Variants in NCMAP observed in about 807,000 individuals in gnomAD.
NCMAP encodes non-compact myelin associated protein.
In NCMAP, 8 loss-of-function variants were observed where a neutral mutation model predicts 7.8. The ratio of observed to expected loss-of-function variants is 1.02; its 90% CI spans 0.60 to 1.84. NCMAP has a LOEUF of 1.84. Among genes scored for constraint, NCMAP ranks in the 40% most tolerant of loss-of-function variants. NCMAP has a pLI of 0.00. For missense variants in NCMAP, 112 were observed against 131.4 expected (o/e 0.85, Z 0.72); for synonymous variants, 41 against 52.9 (o/e 0.78, Z 0.98).
intron 2 of NCMAP, among the ~76,000 whole-genome samples, chr1:24,597,632 A>G (rs1275677762): frequency 4.7e-4 from 57 of 122,254 alleles, no homozygotes; most frequent in African/African-American, 1.3e-3. Flanking sequence ...AGAAAGAAAG[A>G]AAGAAAGAAA....
chr1:24,605,740 C>A lies in NCMAP; in HGVS notation c.302C>A (p.Thr101Lys). The change falls in exon 4 of 4, where the codon ACG becomes AAG. Residue 101 changes from threonine (T) to lysine (K), a missense_variant. Physicochemically the swap from Thr to Lys is moderately conservative, Grantham distance 78. Transcript: ENST00000374392. ...AGTCCTGTTGACGTCCAGGTGGAGA[C>A]GCGATGACCTCTACCCTGGCGCTAT... ...TFSPVDVQVETR is the reference protein window; with the variant it reads ...TFSPVDVQVEKR The A allele has an allele frequency of 1.2e-6, 2 of 1,614,146 alleles. No homozygotes were observed. The highest frequency in any genetic ancestry group is 1.7e-6 in the Non-Finnish European group (2 of 1,180,038).
intron 2 of NCMAP, among the ~76,000 whole-genome samples, chr1:24,595,755 G>T (rs896411928): frequency 2.0e-5 from 3 of 151,738 alleles, no homozygotes; most frequent in Non-Finnish European, 4.4e-5. Flanking sequence ...GTCTGAGTGG[G>T]AGTCTTCCAG....
chr1:24,586,402 G>A (rs925437148), intron 1 of NCMAP, among the ~76,000 whole-genome samples: 3 of 152,242 alleles, frequency 2.0e-5, no homozygotes, highest in Non-Finnish European at 4.4e-5. Context: ...CGAATGGACA[G>A]CAGACCATCA....
In NCMAP at chr1:24,586,747, G is replaced by A. The variant is rs139337323; in HGVS notation, c.-7-8677G>A. Among the ~76,000 whole-genome samples, 476 of 137,652 alleles carry A rather than the reference G, an allele frequency of 3.5e-3. 2 individuals are homozygous for A. Among genetic ancestry groups the A allele is most frequent in the African/African-American group, 0.013 (450 of 35,906 alleles). 90.3% of individuals were successfully genotyped at this position (137,652 alleles called of 152,430 possible). ...ACTGTACTCCAGCCTGGGTAACAGT[G>A]AGACTCCATCTCAAAAAAAAAAAAA... On this transcript the variant is annotated intron_variant, in intron 1 of 3. Transcript: ENST00000374392.
intron 1 of NCMAP, among the ~76,000 whole-genome samples, chr1:24,561,672 A>G (rs1227965099): frequency 3.3e-5 from 5 of 152,204 alleles, no homozygotes; most frequent in Non-Finnish European, 5.9e-5. Flanking sequence ...GCACTTTGGG[A>G]GACTGAGGCG....
At chr1:24,556,842 G>T (rs954291360) in intron 1 of NCMAP, among the ~76,000 whole-genome samples, 3 of 152,122 alleles carry the variant, frequency 2.0e-5, no homozygotes, top group African/African-American at 4.8e-5. Context: ...ATTCTGGAAG[G>T]CCCCTTGGAG....
chr1:24,570,276 C>G (rs1370912859), intron 1 of NCMAP, among the ~76,000 whole-genome samples: 1 of 150,566 alleles, frequency 6.6e-6, no homozygotes, highest in African/African-American at 2.5e-5. Flanking sequence ...ATGCTTTTTG[C>G]TTAGAAACAA....
chr1:24,600,722 G>T (rs1652455695), intron 2 of NCMAP, among the ~76,000 whole-genome samples: 1 of 152,210 alleles, frequency 6.6e-6, no homozygotes, highest in Non-Finnish European at 1.5e-5. Flanking sequence ...TTTGGCAGAT[G>T]ATGTGCTAAG....
At chr1:24,569,909 A>G (rs1187286470) in intron 1 of NCMAP, among the ~76,000 whole-genome samples, 1 of 150,398 alleles carries the variant, frequency 6.6e-6, no homozygotes, top group African/African-American at 2.5e-5. Context: ...GTGACCTTGG[A>G]CAAGTTACTT....
At position 24,556,159 on chromosome 1, in the gene NCMAP, C is replaced by T. The variant is rs1229166394; in HGVS notation, c.-18C>T. 6.5e-6 allele frequency: 1 copy of T among 152,702 alleles called. No individual in the cohort carries two copies. Among genetic ancestry groups the T allele is most frequent in the Non-Finnish European group, 1.5e-5 (1 of 68,234 alleles). 9.5% of individuals were successfully genotyped at this position (152,702 alleles called of 1,614,324 possible). On this transcript the variant is annotated 5_prime_UTR_variant, in exon 1 of 4. Coordinates refer to ENST00000374392, the MANE Select transcript of NCMAP (RefSeq NM_001010980.5). ...TGCCGGCGGGAGGCCGAGCGGGGCT[C>T]GACAGAGCAGGTAGGAGGCGCCTGG...
At chr1:24,598,650 GAC>G in intron 2 of NCMAP, among the ~76,000 whole-genome samples, 1 of 147,670 alleles carries the variant, frequency 6.8e-6, no homozygotes, top group East Asian at 2.0e-4. Flanking sequence ...TCTTTTTTGA[GAC>G]ACAGTCTCAC....
chr1:24,559,633 C>T (rs1650992357), intron 1 of NCMAP, among the ~76,000 whole-genome samples: 1 of 152,188 alleles, frequency 6.6e-6, no homozygotes, highest in Non-Finnish European at 1.5e-5. Flanking sequence ...TGGGCTCAGG[C>T]CTTCTCCGAA....
chr1:24,576,302 T>A lies in NCMAP; in HGVS notation c.-7-19122T>A, dbSNP rs1244221561. 6.6e-6 allele frequency among the ~76,000 whole-genome samples: 1 copy of A among 151,648 alleles called. No individual in the cohort carries two copies. Among genetic ancestry groups the A allele is most frequent in the African/African-American group, 2.4e-5 (1 of 41,264 alleles). On this transcript the variant is annotated intron_variant, in intron 1 of 3. Transcript: ENST00000374392. The surrounding 1 kb of genome is among the most constrained non-coding windows in gnomAD (Gnocchi z 4.0). ...GACAGGCGGCAGGCCAAGACGAGAG[T>A]GTAGGTTTAAATGACACCGCAGGTC...
In NCMAP at chr1:24,578,245, C is replaced by CAAA. The variant is rs35145959; in HGVS notation, c.-7-17161_-7-17159dup. On this transcript the variant is annotated intron_variant, in intron 1 of 3. Coordinates refer to ENST00000374392, the MANE Select transcript of NCMAP (RefSeq NM_001010980.5). Reference sequence around the variant, plus strand: ...CACTCCAGCCTGTGGGACACTGTCTCAAAAAAAAAAAAAAAAAAAATTGTA... The same window carrying CAAA: ...CACTCCAGCCTGTGGGACACTGTCTCAAAAAAAAAAAAAAAAAAAAAAATTGTA... Among the ~76,000 whole-genome samples, 1,033 of 116,266 alleles carry CAAA rather than the reference C, an allele frequency of 8.9e-3. 16 individuals are homozygous for CAAA. The highest frequency in any genetic ancestry group is 0.028 in the African/African-American group (880 of 31,650). 76.3% of individuals were successfully genotyped at this position (116,266 alleles called of 152,430 possible). A position where few individuals can be genotyped will look rare whatever the true frequency, so the allele number is the denominator to read the frequency against.
intron 3 of NCMAP, among the ~76,000 whole-genome samples, chr1:24,603,346 T>C (rs575331545): frequency 1.3e-5 from 2 of 151,878 alleles, no homozygotes; most frequent in African/African-American, 4.9e-5. Flanking sequence ...CATGTAATAA[T>C]AATAATAACA....
intron 3 of NCMAP, among the ~76,000 whole-genome samples, chr1:24,603,204 T>G (rs759036833): frequency 5.3e-5 from 8 of 151,476 alleles, no homozygotes; most frequent in Non-Finnish European, 7.4e-5. Flanking sequence ...ACTACTATTA[T>G]CCTCAATTTT....
At chr1:24,559,690 C>T (rs1221236531) in intron 1 of NCMAP, among the ~76,000 whole-genome samples, 1 of 152,134 alleles carries the variant, frequency 6.6e-6, no homozygotes, top group Non-Finnish European at 1.5e-5. Context: ...GGGGCCCTTG[C>T]GGGGCTGGTA....
chr1:24,573,668 C>T (rs1002520891), intron 1 of NCMAP, among the ~76,000 whole-genome samples: 6 of 150,294 alleles, frequency 4.0e-5, no homozygotes, highest in African/African-American at 7.5e-5. Context: ...CCAGGTGCAG[C>T]GGCTCACACC....
At chr1:24,581,722 G>A (rs1161120506) in intron 1 of NCMAP, among the ~76,000 whole-genome samples, 1 of 152,176 alleles carries the variant, frequency 6.6e-6, no homozygotes, top group African/African-American at 2.4e-5. Context: ...AATCAGAACT[G>A]GCCAGAGAGG....
Sources: gnomAD v4.1 joint callset for allele counts (sites outside exome capture counted in the v4.1 genomes callset) on GRCh38, gnomAD v4.1.1 for gene constraint, Gnocchi (gnomAD v3.1) non-coding constraint, MANE v1.5 for transcripts, NCBI Gene and HGNC (gene_info 2026-07-23, HGNC 2026-07-21) for gene names.